The following NUP98 variants were observed in gnomAD, a reference collection of about 807,000 sequenced individuals.
NUP98 encodes nuclear pore complex protein Nup98-Nup96.
A neutral mutation model predicts 191.9 loss-of-function variants in NUP98; 26 were observed. That is an observed-to-expected ratio of 0.14 (90% CI 0.10 to 0.19). The LOEUF is 0.19. NUP98 is among the 10% of genes least tolerant of loss of function. The pLI, the probability that NUP98 is intolerant of heterozygous loss-of-function variation, is 1.00. For synonymous variants in NUP98, 808 were observed against 778.4 expected (o/e 1.04, Z -0.63); for missense variants, 1,941 against 2,178.8 (o/e 0.89, Z 2.17).
rs1429348397 is a variant in NUP98, at chr11:3,780,950, T to C, written c.76+1092A>G. On this transcript the variant is annotated intron_variant, in intron 2 of 32. Transcript: ENST00000324932. ...TAAAAATTAGCCGGGCATGGTGCCA[T>C]ACACCTGTCATCCCAGCTACTCGGG... Among the ~76,000 whole-genome samples the C allele has an allele frequency of 3.3e-5, 5 of 151,538 alleles. No individual in the cohort carries two copies. In the East Asian group the frequency reaches 5.9e-4, roughly 18 times the overall value.
chr11:3,780,541 C>CAAAAAAA (rs142060672), intron 2 of NUP98, among the ~76,000 whole-genome samples: 23 of 74,734 alleles, frequency 3.1e-4, no homozygotes, highest in African/African-American at 3.6e-4. Context: ...GACTCCATCT[C>CAAAAAAA]AAAAAAAAAA....
chr11:3,752,085 A>G (rs937937095), intron 11 of NUP98, among the ~76,000 whole-genome samples: 4 of 151,370 alleles, frequency 2.6e-5, no homozygotes, highest in African/African-American at 9.7e-5. Flanking sequence ...TGGAGGTTGC[A>G]GTGAGCCGAG....
At chr11:3,764,101 C>A (rs2081263135) in intron 8 of NUP98, among the ~76,000 whole-genome samples, 1 of 152,172 alleles carries the variant, frequency 6.6e-6, no homozygotes, top group African/African-American at 2.4e-5. Flanking sequence ...CAAAGAAATC[C>A]CAGACCCATC....
chr11:3,720,737 G>A lies in NUP98; in HGVS notation c.2235C>T (p.Val745=), dbSNP rs375991427. 1.3e-6 allele frequency: 2 copies of A among 1,584,518 alleles called. No homozygotes were observed. The highest frequency in any genetic ancestry group is 1.7e-6 in the Non-Finnish European group (2 of 1,160,088). Residue 745 remains valine, a synonymous_variant, in exon 17 of 33, where the codon GTC becomes GTT. Transcript: ENST00000324932. Reference sequence around the variant, plus strand: ...CTTTCCGACCAATAGTGAAATCAGAGACAATGCACTCTCCTTTTTCATTGG... The same window carrying A: ...CTTTCCGACCAATAGTGAAATCAGAAACAATGCACTCTCCTTTTTCATTGG... The part of the protein sequence containing the change: ...KITNEKGECI[V]SDFTIGRKGY...
rs61732811 is a variant in NUP98 at position 3,683,224 on chromosome 11, G to A, written c.4894C>T (p.Leu1632Phe). Residue 1632 changes from leucine (L) to phenylalanine (F), a missense_variant, in exon 30 of 33, where the codon CTC (leucine) becomes TTC (phenylalanine). By Grantham distance (22) the Leu-to-Phe change is conservative. Around this residue, in one of 6 missense-constraint regions of NUP98, gnomAD observed 1,030 missense variants for 1,115.8 expected, o/e 0.92. Coordinates refer to ENST00000324932, the MANE Select transcript of NUP98 (RefSeq NM_016320.5). The stretch of plus-strand genomic sequence containing the variant: ...CCAGAAGCTAAGTGTCGGATGATGA[G>A]CTTGTGGCAGCGGTTCCAGTGCTCA... ...KAEHWNRCHK[L>F]IIRHLASDAI... 450 of 1,614,184 alleles carry A rather than the reference G, an allele frequency of 2.8e-4. 1 individual carries two copies. The African/African-American group carries it at 5.6e-3, about 20-fold the overall frequency.
In NUP98 at chr11:3,797,407, C is replaced by G. The variant is rs1305132866; in HGVS notation, c.-36G>C. Reference sequence around the variant, plus strand: ...CTCGGGCTCCCGACTTACCGCGGTTCGGTGGGGAAGGGGAAGTGTCAGGAG... The same window carrying G: ...CTCGGGCTCCCGACTTACCGCGGTTGGGTGGGGAAGGGGAAGTGTCAGGAG... On this transcript the variant is annotated 5_prime_UTR_variant, in exon 1 of 33. Transcript: ENST00000324932. The G allele has an allele frequency of 7.4e-6, 3 of 403,250 alleles. No individual in the cohort carries two copies. The highest frequency in any genetic ancestry group is 2.1e-4 in the South Asian group (2 of 9,570). The allele number at this position is 403,250 out of a possible 1,614,324, so 25.0% of individuals were successfully genotyped here.
Position 3,712,667 on chromosome 11 carries a change from G to A in NUP98, c.2639C>T (p.Ser880Phe). The change falls in exon 20 of 33, where the codon TCT becomes TTT. Residue 880 changes from serine to phenylalanine, a missense_variant. Around this residue, in one of 6 missense-constraint regions of NUP98, gnomAD observed 95 missense variants for 139.7 expected, o/e 0.68. Transcript: ENST00000324932. ...CTTCAACTTCTTTGTACTAGTTTTAGACGGATGCTCCTCCTCCTCTTCATC... is the reference window on the plus strand; with the variant it reads ...CTTCAACTTCTTTGTACTAGTTTTAAACGGATGCTCCTCCTCCTCTTCATC... Reference protein sequence around the residue: ...DSDEEEEEHPSKTSTKKLKTA... With the variant: ...DSDEEEEEHPFKTSTKKLKTA... 1 of 1,613,494 alleles carries A rather than the reference G, an allele frequency of 6.2e-7. No individual in the cohort carries two copies. Among genetic ancestry groups the A allele is most frequent in the Non-Finnish European group, 8.5e-7 (1 of 1,180,000 alleles).
chr11:3,744,772 G>T, intron 11 of NUP98, 123 bp from the exon 12 acceptor site: 1 of 1,071,190 alleles, frequency 9.3e-7, no homozygotes, highest in Non-Finnish European at 1.3e-6. Flanking sequence ...TTTCAACAAA[G>T]GGGTGAATAC....
chr11:3,766,173 G>A (rs186678849), intron 8 of NUP98, among the ~76,000 whole-genome samples: 2 of 152,208 alleles, frequency 1.3e-5, no homozygotes, highest in Non-Finnish European at 2.9e-5. Flanking sequence ...CCAGAAGCTC[G>A]AGACCAGCCT....
chr11:3,689,350 C>A (rs930821158), intron 28 of NUP98, among the ~76,000 whole-genome samples: 4 of 152,022 alleles, frequency 2.6e-5, no homozygotes, highest in Admixed American at 2.0e-4. Flanking sequence ...CACGGTGAAA[C>A]CCTGTCTCTA....
At chr11:3,715,651 T>C (rs1009789646) in intron 18 of NUP98, among the ~76,000 whole-genome samples, 1 of 152,172 alleles carries the variant, frequency 6.6e-6, no homozygotes, top group Admixed American at 6.5e-5. Flanking sequence ...AGAAGTGGCA[T>C]GATCACAGCT....
chr11:3,719,045 G>A (rs550855062), intron 18 of NUP98, among the ~76,000 whole-genome samples: 277 of 151,854 alleles, frequency 1.8e-3, no homozygotes, highest in African/African-American at 5.8e-3. Context: ...GCTTGAACCC[G>A]GGAGTCGGAG....
In NUP98 at chr11:3,682,669, T is replaced by C. The variant is rs543974588; in HGVS notation, c.4918+531A>G. On this transcript the variant is annotated intron_variant, in intron 30 of 32. Transcript: ENST00000324932. ...TACTCACAGATCACCATAACAGATA[T>C]AGTAATGAAAAAGTCTGAAATAATG... Among the ~76,000 whole-genome samples the C allele has an allele frequency of 5.5e-4, 84 of 152,198 alleles. 1 individual carries two copies. The highest frequency in any genetic ancestry group is 2.0e-3 in the African/African-American group (81 of 41,532).
At chr11:3,719,369 T>G in intron 18 of NUP98, 43 bp downstream of exon 18, 1 of 1,537,164 alleles carries the variant, frequency 6.5e-7, no homozygotes, top group Non-Finnish European at 8.8e-7. Flanking sequence ...AAAAAAAAAT[T>G]GTGATTTAGC....
At chr11:3,691,313 A>G (rs746881457) in intron 28 of NUP98, 34 bp downstream of exon 28, 1 of 1,613,522 alleles carries the variant, frequency 6.2e-7, no homozygotes, top group South Asian at 1.1e-5. Context: ...CTCATGGAGC[A>G]CTCAAGTGAC....
At position 3,714,117 on chromosome 11, in the gene NUP98, G is replaced by C. The variant is rs59920417; in HGVS notation, c.2400-122C>G. On this transcript the variant is annotated intron_variant, in intron 18 of 32. Transcript: ENST00000324932. ...AACTATGCTGCCTTGGAATTATTCT[G>C]CATGTGTCATAAACTTGAGTTTTGC... The C allele has an allele frequency of 2.6e-4, 263 of 1,000,974 alleles. No homozygotes were observed. In the African/African-American group the frequency reaches 3.9e-3, roughly 15 times the overall value. 62.0% of individuals were successfully genotyped at this position (1,000,974 alleles called of 1,614,324 possible). A position where few individuals can be genotyped will look rare whatever the true frequency, so the allele number is the denominator to read the frequency against.
chr11:3,775,789 A>T, intron 5 of NUP98, 93 bp downstream of exon 5: 1 of 1,252,420 alleles, frequency 8.0e-7, no homozygotes, highest in South Asian at 1.4e-5. Flanking sequence ...GTGTCAAGCT[A>T]AGCTGGAAAG....
At chr11:3,717,797 T>A (rs1403135671) in intron 18 of NUP98, among the ~76,000 whole-genome samples, 1 of 152,052 alleles carries the variant, frequency 6.6e-6, no homozygotes, top group East Asian at 1.9e-4. Context: ...TATGAAAGAG[T>A]GTTGGATTTT....
chr11:3,747,266 G>T (rs1207237081), intron 11 of NUP98, among the ~76,000 whole-genome samples: 2 of 152,116 alleles, frequency 1.3e-5, no homozygotes, highest in Non-Finnish European at 2.9e-5. Context: ...ATTGAAAATG[G>T]TTATTTTCCT....
Sources: allele counts gnomAD v4.1 joint callset (sites outside exome capture counted in the v4.1 genomes callset), GRCh38; gene constraint gnomAD v4.1.1; regional missense constraint gnomAD v4.1.1; transcripts MANE v1.5; gene names NCBI Gene and HGNC (gene_info 2026-07-23, HGNC 2026-07-21).